The following BBX variants were observed in gnomAD, a reference collection of about 807,000 sequenced individuals.
BBX encodes BBX high mobility group box domain containing, also known as HMG box transcription factor BBX.
Under a neutral mutation model 100.2 loss-of-function variants are expected in BBX, and 30 were observed. That is an observed-to-expected ratio of 0.30 (90% CI 0.22 to 0.41). The LOEUF (loss-of-function observed/expected upper bound fraction) is 0.41, where lower values mean the gene tolerates loss of function less well. BBX is among the 10% of genes least tolerant of loss of function. The pLI, the probability that BBX is intolerant of heterozygous loss-of-function variation, is 1.00. For missense variants in BBX, 1,023 were observed against 1,129.8 expected (o/e 0.91, Z 1.35); for synonymous variants, 376 against 388.1 (o/e 0.97, Z 0.37).
At chr3:107,687,498 T>TA (rs2059917388) in intron 3 of BBX, among the ~76,000 whole-genome samples, 1 of 151,900 alleles carries the variant, frequency 6.6e-6, no homozygotes, top group South Asian at 2.1e-4. Context: ...GATAAGGAGG[T>TA]AAAATCATAG....
chr3:107,799,437 T>A (rs765546691), intron 16 of BBX, among the ~76,000 whole-genome samples: 3 of 152,198 alleles, frequency 2.0e-5, no homozygotes, highest in Non-Finnish European at 4.4e-5. Context: ...TAGCTAGTTT[T>A]CCAAGAGCAT....
chr3:107,580,851 A>G (rs683194), intron 2 of BBX, among the ~76,000 whole-genome samples: 45,197 of 151,882 alleles, frequency 0.3, 7,359 homozygotes, highest in African/African-American at 0.39. Flanking sequence ...GGCTGGTCTC[A>G]AACTCCTGAC....
At chr3:107,544,859 AG>A (rs766660677) in intron 2 of BBX, among the ~76,000 whole-genome samples, 4 of 150,264 alleles carry the variant, frequency 2.7e-5, no homozygotes, top group African/African-American at 4.9e-5. Flanking sequence ...AAAAAAAAAA[AG>A]AAAAAAAGTA....
intron 10 of BBX, among the ~76,000 whole-genome samples, chr3:107,763,194 T>C (rs1385708223): frequency 6.6e-6 from 1 of 151,568 alleles, no homozygotes. Flanking sequence ...ACCAGTTAAA[T>C]GGTTTCTGCT....
rs746304753 is a variant in BBX, at chr3:107,773,670, A to G, written c.1915+34A>G. 4.1e-5 allele frequency: 64 copies of G among 1,552,152 alleles called. No homozygotes were observed. The Admixed American group carries it at 6.4e-4, about 15-fold the overall frequency. On this transcript the variant is annotated intron_variant, in intron 11 of 17. Transcript: ENST00000325805. This position sits in a 1 kb window ranked among gnomAD's most constrained non-coding sequence, Gnocchi z 4.1. ...CTTCTACAAACCTGAAAAGAATTCA[A>G]AAACCAAACAGAATTTCACCTTTAG...
intron 3 of BBX, among the ~76,000 whole-genome samples, chr3:107,679,847 C>A (rs563386207): frequency 6.6e-6 from 1 of 152,240 alleles, no homozygotes; most frequent in South Asian, 2.1e-4. Flanking sequence ...TCCCCAAAGC[C>A]ATATTTTAAA....
Position 107,773,745 on chromosome 3 carries a change from C to A in BBX, c.1915+109C>A. ...AAAACAATATGGTATCAAAATAATA[C>A]CTTACATTTGTATATTTCTTTATGG... On this transcript the variant is annotated intron_variant, in intron 11 of 17. Transcript: ENST00000325805. The surrounding 1 kb of genome is among the most constrained non-coding windows in gnomAD (Gnocchi z 4.1). 1.1e-6 allele frequency: 1 copy of A among 948,724 alleles called. No homozygotes were observed. The highest frequency in any genetic ancestry group is 1.5e-6 in the Non-Finnish European group (1 of 647,648). The allele number at this position is 948,724 out of a possible 1,614,324, so 58.8% of individuals were successfully genotyped here. A position where few individuals can be genotyped will look rare whatever the true frequency, so the allele number is the denominator to read the frequency against.
At position 107,809,490 on chromosome 3, in the gene BBX, G is replaced by C. The variant is rs1376954128; in HGVS notation, c.*4033G>C. On this transcript the variant is annotated 3_prime_UTR_variant, in exon 18 of 18. Coordinates refer to ENST00000325805, the MANE Select transcript of BBX (RefSeq NM_001142568.3). ...CTGTTGAGGAGATTCACCTTCAATTGCACTGCTCCACAGAGCCCTCATATA... is the reference window on the plus strand; with the variant it reads ...CTGTTGAGGAGATTCACCTTCAATTCCACTGCTCCACAGAGCCCTCATATA... The C allele has an allele frequency of 6.6e-6, 1 of 152,186 alleles. No homozygotes were observed. The highest frequency in any genetic ancestry group is 1.5e-5 in the Non-Finnish European group (1 of 68,034). 9.4% of individuals were successfully genotyped at this position (152,186 alleles called of 1,614,324 possible). A position where few individuals can be genotyped will look rare whatever the true frequency, so the allele number is the denominator to read the frequency against.
At chr3:107,542,203 A>G (rs1041313426) in intron 2 of BBX, among the ~76,000 whole-genome samples, 5 of 152,186 alleles carry the variant, frequency 3.3e-5, no homozygotes, top group African/African-American at 1.2e-4. Flanking sequence ...AGGTCTAGTC[A>G]TTATTATACT....
intron 2 of BBX, among the ~76,000 whole-genome samples, chr3:107,559,801 G>A (rs1203616268): frequency 6.6e-6 from 1 of 152,144 alleles, no homozygotes. Flanking sequence ...GGAGTGAAGT[G>A]GTATGATCTC....
intron 2 of BBX, among the ~76,000 whole-genome samples, chr3:107,547,634 G>C (rs1028256158): frequency 2.6e-5 from 4 of 152,026 alleles, no homozygotes; most frequent in African/African-American, 9.7e-5. Context: ...TGCCTGTGGT[G>C]TACCCGGCAC....
chr3:107,739,868 T>A (rs577458116), intron 7 of BBX, among the ~76,000 whole-genome samples: 1 of 152,138 alleles, frequency 6.6e-6, no homozygotes, highest in Non-Finnish European at 1.5e-5. Flanking sequence ...AGAAAGGTGA[T>A]CGGAGTTATC....
At chr3:107,788,698 C>T (rs1490276164) in intron 13 of BBX, among the ~76,000 whole-genome samples, 2 of 152,020 alleles carry the variant, frequency 1.3e-5, no homozygotes, top group East Asian at 3.9e-4. Context: ...TTGCTTGAGC[C>T]CAGGAGGTGG....
intron 17 of BBX, among the ~76,000 whole-genome samples, chr3:107,801,684 G>T (rs1326579679): frequency 2.0e-5 from 3 of 152,026 alleles, no homozygotes; most frequent in Admixed American, 2.0e-4. Flanking sequence ...AAAAACAGGG[G>T]CAGGTGGCAC....
intron 16 of BBX, among the ~76,000 whole-genome samples, chr3:107,799,241 C>A (rs1354696604): frequency 1.3e-5 from 2 of 151,982 alleles, no homozygotes; most frequent in Admixed American, 6.6e-5. Context: ...CAAAGCTGTC[C>A]CCAGCCACAT....
intron 2 of BBX, among the ~76,000 whole-genome samples, chr3:107,577,151 G>A (rs1219847786): frequency 4.6e-5 from 7 of 152,128 alleles, no homozygotes; most frequent in East Asian, 1.9e-4. Context: ...AAGCGCTACC[G>A]TGCCTGGCTG....
chr3:107,752,506 G>A lies in BBX; in HGVS notation c.826-3092G>A, dbSNP rs184288331. Among the ~76,000 whole-genome samples the A allele has an allele frequency of 7.2e-5, 11 of 152,106 alleles. No individual in the cohort carries two copies. In the East Asian group the frequency reaches 1.5e-3, roughly 21 times the overall value. On this transcript the variant is annotated intron_variant, in intron 9 of 17. Transcript: ENST00000325805. ...CCCAAGCTACAATATTTACAATACC[G>A]TCATAATTGCAAGACTTCCACCATT...
In BBX at chr3:107,801,252, T is replaced by G. The variant is rs756694175; in HGVS notation, c.2709T>G (p.Ala903=). The change falls in exon 17 of 18, where the codon GCT becomes GCG. Residue 903 remains alanine, a synonymous_variant. Coordinates refer to ENST00000325805, the MANE Select transcript of BBX (RefSeq NM_001142568.3). ...CGTTCTTTAGCCTCGCTGCGCTGGC[T>G]GAAGTGGCAGCCATGGAAAATGTGC... ...VSAFFSLAAL[A]EVAAMENVHR... is the part of the protein sequence containing the mutation. 1 of 1,614,114 alleles carries G rather than the reference T, an allele frequency of 6.2e-7. No homozygotes were observed. The highest frequency in any genetic ancestry group is 1.1e-5 in the South Asian group (1 of 91,068).
intron 2 of BBX, among the ~76,000 whole-genome samples, chr3:107,606,944 G>A (rs1487200995): frequency 6.6e-6 from 1 of 151,408 alleles, no homozygotes; most frequent in East Asian, 1.9e-4. Flanking sequence ...CCACTCTCTG[G>A]TAACCATCAT....
Sources: gnomAD v4.1 joint callset for allele counts (sites outside exome capture counted in the v4.1 genomes callset) on GRCh38, gnomAD v4.1.1 for gene constraint, Gnocchi (gnomAD v3.1) non-coding constraint, MANE v1.5 for transcripts, NCBI Gene and HGNC (gene_info 2026-07-23, HGNC 2026-07-21) for gene names.